Variants in RBFOX1 observed in about 807,000 individuals in gnomAD.
The protein encoded by RBFOX1 is RNA binding protein fox-1 homolog 1.
Under a neutral mutation model 57.7 loss-of-function variants are expected in RBFOX1, and 8 were observed. The ratio of observed to expected loss-of-function variants is 0.14; its 90% CI spans 0.08 to 0.25. RBFOX1 has a LOEUF of 0.25. RBFOX1 is among the 10% of genes least tolerant of loss of function. The pLI, the probability that RBFOX1 is intolerant of heterozygous loss-of-function variation, is 1.00. For missense variants in RBFOX1, 611 were observed against 548.5 expected (o/e 1.11, Z -1.14); for synonymous variants, 326 against 222.4 (o/e 1.47, Z -4.15).
At chr16:7,312,922 C>T (rs897103314) in intron 4 of RBFOX1, among the ~76,000 whole-genome samples, 1 of 151,906 alleles carries the variant, frequency 6.6e-6, no homozygotes, top group African/African-American at 2.4e-5. Flanking sequence ...CTCTGGGGGC[C>T]CCAGGGTGCC....
chr16:6,492,824 G>C (rs2095664114), intron 2 of RBFOX1, among the ~76,000 whole-genome samples: 1 of 152,170 alleles, frequency 6.6e-6, no homozygotes, highest in South Asian at 2.1e-4. Context: ...GTGAGGAAGA[G>C]CCCAAAACTC....
intron 4 of RBFOX1, among the ~76,000 whole-genome samples, chr16:7,394,092 C>T (rs924546270): frequency 6.6e-5 from 10 of 151,656 alleles, no homozygotes; most frequent in South Asian, 2.1e-4. Flanking sequence ...CAAAATTAGC[C>T]GGGTGTCCTG....
In RBFOX1 at chr16:6,748,345, A is replaced by C. The variant is rs143694429; in HGVS notation, c.-16+93695A>C. ...CGTACACATACACATATAACTATAT[A>C]CATATGTATGTATGTATGAGCACAA... On this transcript the variant is annotated intron_variant, in intron 3 of 15. Transcript: ENST00000550418. Among the ~76,000 whole-genome samples the C allele has an allele frequency of 7.9e-3, 1,199 of 152,232 alleles. 8 individuals carry two copies. The highest frequency in any genetic ancestry group is 0.013 in the Non-Finnish European group (905 of 68,022).
intron 1 of RBFOX1, among the ~76,000 whole-genome samples, chr16:6,284,012 G>T (rs1311000154): frequency 1.3e-5 from 2 of 152,082 alleles, no homozygotes; most frequent in African/African-American, 2.4e-5. Flanking sequence ...TGTGGATGGT[G>T]CTGGAATGGA....
At chr16:7,699,698 G>C (rs1474956813) in intron 14 of RBFOX1, among the ~76,000 whole-genome samples, 1 of 151,956 alleles carries the variant, frequency 6.6e-6, no homozygotes, top group Non-Finnish European at 1.5e-5. Flanking sequence ...AGTGATGACA[G>C]TTTGAATATT....
intron 1 of RBFOX1, among the ~76,000 whole-genome samples, chr16:6,149,554 A>G (rs7191535): frequency 6.5e-4 from 99 of 152,308 alleles, no homozygotes; most frequent in African/African-American, 2.2e-3. Flanking sequence ...ACTGGGTGAA[A>G]TAATGTGAGT....
At chr16:7,010,682 G>T (rs991097572) in intron 3 of RBFOX1, among the ~76,000 whole-genome samples, 12 of 152,240 alleles carry the variant, frequency 7.9e-5, no homozygotes, top group African/African-American at 2.9e-4. Flanking sequence ...TCCTGCCTCA[G>T]CCTACCAAGT....
chr16:6,969,547 C>A (rs549798658), intron 3 of RBFOX1, among the ~76,000 whole-genome samples: 1 of 151,374 alleles, frequency 6.6e-6, no homozygotes, highest in Non-Finnish European at 1.5e-5. Context: ...CCACACTGGG[C>A]AACAAAATGA....
intron 3 of RBFOX1, among the ~76,000 whole-genome samples, chr16:6,834,192 G>A (rs1439087492): frequency 6.6e-6 from 1 of 151,980 alleles, no homozygotes; most frequent in African/African-American, 2.4e-5. Context: ...TCCTGCCTCA[G>A]CCTCCCAGGT....
intron 1 of RBFOX1, among the ~76,000 whole-genome samples, chr16:6,295,748 C>T (rs1219874537): frequency 6.6e-6 from 1 of 152,124 alleles, no homozygotes; most frequent in Non-Finnish European, 1.5e-5. Context: ...GAGGAGGGGA[C>T]AGGGGCAATG....
chr16:5,911,036 C>G (rs1286077333), intron 4 of RBFOX1, among the ~76,000 whole-genome samples: 1 of 152,162 alleles, frequency 6.6e-6, no homozygotes, highest in Non-Finnish European at 1.5e-5. Flanking sequence ...TGTAATCATA[C>G]CCCAAATAAA....
intron 3 of RBFOX1, among the ~76,000 whole-genome samples, chr16:6,784,700 T>G (rs1048123784): frequency 5.9e-5 from 9 of 152,290 alleles, no homozygotes; most frequent in African/African-American, 2.2e-4. Flanking sequence ...TCTGATTTTT[T>G]TTTTTTATAA....
At chr16:5,940,673 A>G (rs1373436205) in intron 4 of RBFOX1, among the ~76,000 whole-genome samples, 1 of 152,256 alleles carries the variant, frequency 6.6e-6, no homozygotes, top group African/African-American at 2.4e-5. Flanking sequence ...CCCGTGGTAA[A>G]TCACCATTTC....
intron 11 of RBFOX1, among the ~76,000 whole-genome samples, chr16:7,645,595 C>G (rs180815410): frequency 8.5e-5 from 13 of 152,188 alleles, no homozygotes; most frequent in African/African-American, 3.1e-4. Flanking sequence ...TCTGTAATGT[C>G]AGTGTTGAGA....
chr16:6,944,864 A>G (rs2079190610), intron 3 of RBFOX1, among the ~76,000 whole-genome samples: 1 of 152,112 alleles, frequency 6.6e-6, no homozygotes, highest in Non-Finnish European at 1.5e-5. Context: ...ACTCCAATTG[A>G]TTGATGATGG....
intron 4 of RBFOX1, among the ~76,000 whole-genome samples, chr16:7,251,554 G>A (rs13338161): frequency 0.12 from 17,534 of 151,888 alleles, 1,189 homozygotes; most frequent in East Asian, 0.25. Context: ...GGGATTACAC[G>A]TGTCTCCCCT....
At chr16:5,706,448 C>G (rs938988233) in intron 3 of RBFOX1, among the ~76,000 whole-genome samples, 3 of 152,118 alleles carry the variant, frequency 2.0e-5, no homozygotes, top group African/African-American at 7.2e-5. Context: ...CTGGTGCTCC[C>G]CCGTCATTTA....
chr16:6,660,480 A>T (rs929668875), intron 3 of RBFOX1, among the ~76,000 whole-genome samples: 4 of 152,096 alleles, frequency 2.6e-5, no homozygotes, highest in Non-Finnish European at 4.4e-5. Context: ...ATTATTCAGG[A>T]CGTATCATGA....
At chr16:5,578,248 C>T (rs2046536354) in intron 2 of RBFOX1, among the ~76,000 whole-genome samples, 1 of 152,132 alleles carries the variant, frequency 6.6e-6, no homozygotes, top group Non-Finnish European at 1.5e-5. Context: ...CCGTGCCTGC[C>T]CTGGGGATTT....
Sources: allele counts gnomAD v4.1 joint callset (sites outside exome capture counted in the v4.1 genomes callset), GRCh38; gene constraint gnomAD v4.1.1; transcripts MANE v1.5; gene names NCBI Gene and HGNC (gene_info 2026-07-23, HGNC 2026-07-21).